SOX6: variants seen among roughly 807,000 people sequenced by gnomAD.
SOX6 encodes transcription factor SOX-6.
Under a neutral mutation model 97.8 loss-of-function variants are expected in SOX6, and 11 were observed. The ratio of observed to expected loss-of-function variants is 0.11; its 90% CI spans 0.07 to 0.19. SOX6 has a LOEUF of 0.19. Among genes scored for constraint, SOX6 ranks in the 10% least tolerant of loss-of-function variants. SOX6 has a pLI of 1.00. For missense variants in SOX6, 810 were observed against 1,039.5 expected (o/e 0.78, Z 3.04); for synonymous variants, 360 against 371.4 (o/e 0.97, Z 0.35).
chr11:16,169,968 T>C (rs941247884), intron 6 of SOX6, among the ~76,000 whole-genome samples: 1 of 151,990 alleles, frequency 6.6e-6, no homozygotes, highest in African/African-American at 2.4e-5. Flanking sequence ...AAACCTTGCT[T>C]AGGGAAAAAA....
intron 13 of SOX6, among the ~76,000 whole-genome samples, chr11:16,009,723 A>T (rs1329724367): frequency 6.6e-6 from 1 of 152,054 alleles, no homozygotes; most frequent in African/African-American, 2.4e-5. Context: ...TTTATTTCAA[A>T]TCTGAGAATC....
At chr11:16,071,399 T>G (rs540807240) in intron 9 of SOX6, among the ~76,000 whole-genome samples, 1 of 152,290 alleles carries the variant, frequency 6.6e-6, no homozygotes, top group African/African-American at 2.4e-5. Context: ...CCTGATGTCC[T>G]GGGAAGTGCC....
chr11:15,999,885 T>A (rs1849991048), intron 13 of SOX6, among the ~76,000 whole-genome samples: 1 of 152,178 alleles, frequency 6.6e-6, no homozygotes, highest in African/African-American at 2.4e-5. Context: ...AGTCCCTTAC[T>A]TGGGTTATTA....
chr11:16,524,350 G>C (rs1182760961), intron 4 of SOX6, among the ~76,000 whole-genome samples: 1 of 151,468 alleles, frequency 6.6e-6, no homozygotes, highest in African/African-American at 2.4e-5. Flanking sequence ...ATGTAATCCA[G>C]CATATAAACA....
intron 7 of SOX6, among the ~76,000 whole-genome samples, chr11:16,101,613 A>G (rs547633941): frequency 6.6e-6 from 1 of 151,672 alleles, no homozygotes; most frequent in African/African-American, 2.4e-5. Flanking sequence ...ATTTGTCACA[A>G]TGGCAATTAA....
chr11:16,278,878 T>A (rs1854475431), intron 3 of SOX6, among the ~76,000 whole-genome samples: 1 of 151,966 alleles, frequency 6.6e-6, no homozygotes, highest in African/African-American at 2.4e-5. Context: ...AAGAAAACAA[T>A]AACCATCCAG....
At chr11:16,427,487 C>G (rs12221946) in intron 1 of SOX6, among the ~76,000 whole-genome samples, 26,804 of 151,690 alleles carry the variant, frequency 0.18, 2,854 homozygotes, top group Admixed American at 0.31. Flanking sequence ...CCACTCCCCC[C>G]ACCCCACAAC....
At chr11:15,978,012 T>A (rs1220264842) in intron 15 of SOX6, among the ~76,000 whole-genome samples, 2 of 152,068 alleles carry the variant, frequency 1.3e-5, no homozygotes, top group African/African-American at 2.4e-5. Flanking sequence ...CAGTTCATAA[T>A]CCAATATAAG....
chr11:16,278,829 T>C (rs963892679), intron 3 of SOX6, among the ~76,000 whole-genome samples: 5 of 151,876 alleles, frequency 3.3e-5, no homozygotes, highest in African/African-American at 4.8e-5. Context: ...TCTAATGGGG[T>C]AAAGAAAATT....
At chr11:16,272,854 C>G (rs1854296786) in intron 3 of SOX6, among the ~76,000 whole-genome samples, 1 of 151,878 alleles carries the variant, frequency 6.6e-6, no homozygotes, top group African/African-American at 2.4e-5. Context: ...TGCTATAACA[C>G]TCCATCTAGC....
At chr11:16,272,826 C>G (rs1479693011) in intron 3 of SOX6, among the ~76,000 whole-genome samples, 1 of 151,898 alleles carries the variant, frequency 6.6e-6, no homozygotes, top group Non-Finnish European at 1.5e-5. Context: ...TCAACCTCAT[C>G]TAGCCTTATA....
At chr11:16,200,487 T>A (rs1851904788) in intron 4 of SOX6, among the ~76,000 whole-genome samples, 1 of 152,228 alleles carries the variant, frequency 6.6e-6, no homozygotes, top group Admixed American at 6.5e-5. Context: ...TGAAAGTTTT[T>A]AAAGTGCTCA....
chr11:16,097,908 T>C (rs1356705548), intron 7 of SOX6, among the ~76,000 whole-genome samples: 2 of 151,848 alleles, frequency 1.3e-5, no homozygotes, highest in Admixed American at 6.6e-5. Context: ...ATGAATGTGA[T>C]GTTAAAAAAA....
intron 3 of SOX6, among the ~76,000 whole-genome samples, chr11:16,706,384 G>A (rs1162274042): frequency 7.0e-6 from 1 of 142,358 alleles, no homozygotes; most frequent in Non-Finnish European, 1.5e-5. Context: ...GGAGGTCAAG[G>A]CTGTAGTGAG....
intron 3 of SOX6, among the ~76,000 whole-genome samples, chr11:16,709,368 A>T (rs1848160126): frequency 6.6e-6 from 1 of 152,116 alleles, no homozygotes; most frequent in Admixed American, 6.5e-5. Flanking sequence ...AAATACAAAA[A>T]TTAGCTGGGC....
intron 13 of SOX6, among the ~76,000 whole-genome samples, chr11:16,004,197 A>G (rs1195123373): frequency 1.3e-5 from 2 of 152,050 alleles, no homozygotes; most frequent in African/African-American, 4.8e-5. Context: ...TACCTAATCC[A>G]TACTCCTCAT....
At chr11:16,413,735 G>A (rs944540166) in intron 1 of SOX6, among the ~76,000 whole-genome samples, 1 of 151,428 alleles carries the variant, frequency 6.6e-6, no homozygotes, top group Non-Finnish European at 1.5e-5. Context: ...TCTCCAGGCT[G>A]GTCTCAAACT....
chr11:15,982,915 G>C (rs1853710531), intron 15 of SOX6, among the ~76,000 whole-genome samples: 4 of 151,848 alleles, frequency 2.6e-5, no homozygotes, highest in Admixed American at 2.6e-4. Context: ...CAGTTCTTTG[G>C]GAAGACGTCA....
chr11:15,978,581 T>C (rs1050503913), intron 15 of SOX6, among the ~76,000 whole-genome samples: 1 of 151,474 alleles, frequency 6.6e-6, no homozygotes, highest in Non-Finnish European at 1.5e-5. Flanking sequence ...GAAGTCCCCA[T>C]GGATTGAGTC....
Sources: allele counts gnomAD v4.1 joint callset (sites outside exome capture counted in the v4.1 genomes callset), GRCh38; gene constraint gnomAD v4.1.1; transcripts MANE v1.5; gene names NCBI Gene and HGNC (gene_info 2026-07-23, HGNC 2026-07-21).